PTK2B: variants seen among roughly 807,000 people sequenced by gnomAD.
The protein encoded by PTK2B is protein tyrosine kinase 2 beta.
A neutral mutation model predicts 142.9 loss-of-function variants in PTK2B; 71 were observed. The ratio of observed to expected loss-of-function variants is 0.50; its 90% confidence interval spans 0.41 to 0.61. The LOEUF (loss-of-function observed/expected upper bound fraction) is 0.61, where lower values mean the gene tolerates loss of function less well. PTK2B is among the 20% of genes least tolerant of loss of function. The pLI, the probability that PTK2B is intolerant of heterozygous loss-of-function variation, is 0.00. For missense variants in PTK2B, 1,105 were observed against 1,320.4 expected (o/e 0.84, Z 2.53); for synonymous variants, 519 against 503.4 (o/e 1.03, Z -0.42).
chr8:27,349,293 C>A (rs929801374), intron 1 of PTK2B, among the ~76,000 whole-genome samples: 14 of 152,152 alleles, frequency 9.2e-5, no homozygotes, highest in Admixed American at 6.5e-5. Flanking sequence ...GTTTCTTTAA[C>A]CTCTTTAAGT....
chr8:27,393,244 T>C (rs1027817747), intron 1 of PTK2B, among the ~76,000 whole-genome samples: 1 of 152,214 alleles, frequency 6.6e-6, no homozygotes, highest in Non-Finnish European at 1.5e-5. Context: ...TGCAAAGAAC[T>C]TGTGTTTCTG....
At chr8:27,366,400 C>T (rs752602524) in intron 1 of PTK2B, among the ~76,000 whole-genome samples, 9 of 152,200 alleles carry the variant, frequency 5.9e-5, no homozygotes, top group Non-Finnish European at 1.2e-4. Flanking sequence ...ATCACCCAGG[C>T]GACATCCAGC....
intron 5 of PTK2B, among the ~76,000 whole-genome samples, chr8:27,424,436 C>T (rs1218808506): frequency 6.6e-6 from 1 of 152,170 alleles, no homozygotes; most frequent in Non-Finnish European, 1.5e-5. Context: ...GGATGATATT[C>T]TAAAAGCCAC....
chr8:27,373,076 C>T lies in PTK2B; in HGVS notation c.-37-24472C>T, dbSNP rs541110903. Reference sequence around the variant, plus strand: ...TTAGCCCAGATACCCACTGGCCTATCGGCTTAGGCTCCACCAGCCATGCCT... The same window carrying T: ...TTAGCCCAGATACCCACTGGCCTATTGGCTTAGGCTCCACCAGCCATGCCT... On this transcript the variant is annotated intron_variant, in intron 1 of 30. Coordinates refer to ENST00000346049, the MANE Select transcript of PTK2B (RefSeq NM_173176.3). Among the ~76,000 whole-genome samples the T allele has an allele frequency of 4.6e-5, 7 of 152,246 alleles. 1 individual carries two copies. Among genetic ancestry groups the T allele is most frequent in the East Asian group, 1.9e-4 (1 of 5,154 alleles).
intron 1 of PTK2B, among the ~76,000 whole-genome samples, chr8:27,356,044 A>G (rs1202036901): frequency 6.6e-6 from 1 of 152,062 alleles, no homozygotes. Context: ...AAGTTCCAGT[A>G]TTATCTAGAA....
At chr8:27,377,879 C>T (rs1455702703) in intron 1 of PTK2B, among the ~76,000 whole-genome samples, 1 of 152,140 alleles carries the variant, frequency 6.6e-6, no homozygotes, top group Admixed American at 6.5e-5. Flanking sequence ...AAACCTCCTC[C>T]CCTACTTAAC....
intron 1 of PTK2B, among the ~76,000 whole-genome samples, chr8:27,395,092 T>C (rs1807963702): frequency 6.6e-6 from 1 of 151,850 alleles, no homozygotes; most frequent in Admixed American, 6.6e-5. Flanking sequence ...GTAGAAGGAG[T>C]ATACTCTAAA....
At chr8:27,351,016 T>A (rs192260511) in intron 1 of PTK2B, among the ~76,000 whole-genome samples, 12,009 of 36,242 alleles carry the variant, frequency 0.33, 4,456 homozygotes, top group Middle Eastern at 0.5. Flanking sequence ...TATATATATA[T>A]ATATATATAT....
intron 1 of PTK2B, among the ~76,000 whole-genome samples, chr8:27,342,821 C>G (rs1804486917): frequency 6.6e-6 from 1 of 152,176 alleles, no homozygotes; most frequent in African/African-American, 2.4e-5. Flanking sequence ...GCTCCTTTAT[C>G]CCCCCTCAGT....
chr8:27,431,570 C>T, intron 9 of PTK2B, 98 bp downstream of exon 9: 1 of 1,487,388 alleles, frequency 6.7e-7, no homozygotes. Context: ...TCTTCTTGCC[C>T]CTGTTGCTGA....
Position 27,385,701 on chromosome 8 carries a change from T to A in PTK2B, c.-37-11847T>A, listed in dbSNP as rs552192449. On this transcript the variant is annotated intron_variant, in intron 1 of 30. Transcript: ENST00000346049. ...TGAGGCCAGGAGTTCAAGACCAGCC[T>A]GGCCAACATGGTGAAACCTCCTCTC... Among the ~76,000 whole-genome samples the A allele has an allele frequency of 9.0e-4, 137 of 152,220 alleles. 2 individuals carry two copies. Among genetic ancestry groups the A allele is most frequent in the Admixed American group, 2.1e-3 (32 of 15,290 alleles).
intron 30 of PTK2B, 141 bp downstream of exon 30, chr8:27,454,752 C>A (rs1812044399): frequency 1.2e-6 from 1 of 831,138 alleles, no homozygotes; most frequent in Non-Finnish European, 1.9e-6. Flanking sequence ...TGTGGCTTAT[C>A]CATCAGCTAC....
intron 1 of PTK2B, among the ~76,000 whole-genome samples, chr8:27,383,852 A>ATTTTTTT (rs749255419): frequency 1.7e-5 from 2 of 116,594 alleles, no homozygotes; most frequent in African/African-American, 6.1e-5. Context: ...CACCTGGCTA[A>ATTTTTTT]TTTTTTTTTT....
chr8:27,331,202 A>G (rs1803728035), intron 1 of PTK2B, among the ~76,000 whole-genome samples: 2 of 152,122 alleles, frequency 1.3e-5, no homozygotes, highest in South Asian at 2.1e-4. Context: ...AATTCTCCCA[A>G]TAATTGTGGG....
chr8:27,414,065 A>G (rs28840432), intron 2 of PTK2B, among the ~76,000 whole-genome samples: 67,915 of 152,014 alleles, frequency 0.45, 15,664 homozygotes, highest in African/African-American at 0.54. Flanking sequence ...TGTGTCCCCA[A>G]TGTTCTCTCA....
At position 27,363,790 on chromosome 8, in the gene PTK2B, C is replaced by A. The variant is rs1396493037; in HGVS notation, c.-37-33758C>A. Among the ~76,000 whole-genome samples the A allele has an allele frequency of 1.3e-5, 2 of 152,186 alleles. No homozygotes were observed. Among genetic ancestry groups the A allele is most frequent in the African/African-American group, 4.8e-5 (2 of 41,430 alleles). ...GTGCTGGGCTGTGACAGTCACTTGG[C>A]GTTCCTGGGACATGTTCATGTGAAT... On this transcript the variant is annotated intron_variant, in intron 1 of 30. Transcript: ENST00000346049. This position sits in a 1 kb window ranked among gnomAD's most constrained non-coding sequence, Gnocchi z 4.3.
intron 1 of PTK2B, among the ~76,000 whole-genome samples, chr8:27,344,581 A>C (rs2130232797): frequency 6.6e-6 from 1 of 152,368 alleles, no homozygotes; most frequent in South Asian, 2.1e-4. Context: ...TTGATGGCAT[A>C]TATTACTAGA....
At chr8:27,415,150 C>T (rs1809323402) in intron 2 of PTK2B, among the ~76,000 whole-genome samples, 1 of 152,016 alleles carries the variant, frequency 6.6e-6, no homozygotes, top group Non-Finnish European at 1.5e-5. Context: ...CTAATTTAAT[C>T]CTCATAAAAG....
At chr8:27,387,066 G>A (rs1807409277) in intron 1 of PTK2B, among the ~76,000 whole-genome samples, 1 of 152,238 alleles carries the variant, frequency 6.6e-6, no homozygotes, top group Non-Finnish European at 1.5e-5. Context: ...AGAAAAGCAG[G>A]TTCATCTGGG....
Sources: gnomAD v4.1 joint callset for allele counts (sites outside exome capture counted in the v4.1 genomes callset) on GRCh38, gnomAD v4.1.1 for gene constraint, Gnocchi (gnomAD v3.1) non-coding constraint, MANE v1.5 for transcripts, NCBI Gene and HGNC (gene_info 2026-07-23, HGNC 2026-07-21) for gene names.